The following DNAH12 variants were observed in gnomAD, a reference collection of about 807,000 sequenced individuals.
The protein encoded by DNAH12 is axonemal beta dynein heavy chain 12.
DNAH12 carries 285 observed loss-of-function variants against 371.5 expected under a neutral mutation model. The observed-to-expected ratio is 0.77, with a 90% CI of 0.70 to 0.85. The LOEUF is 0.85. Among genes scored for constraint, DNAH12 ranks in the 40% least tolerant of loss-of-function variants. DNAH12 has a pLI of 0.00. For missense variants in DNAH12, 3,611 were observed against 3,689.4 expected (o/e 0.98, Z 0.55); for synonymous variants, 1,200 against 1,213.0 (o/e 0.99, Z 0.22).
At chr3:57,475,202 T>G (rs1161125165) in intron 13 of DNAH12, among the ~76,000 whole-genome samples, 2 of 152,188 alleles carry the variant, frequency 1.3e-5, no homozygotes, top group Admixed American at 6.5e-5. Context: ...AAAAATGTCT[T>G]TGAACCAAGG....
At chr3:57,320,839 C>T (rs1052313412) in intron 65 of DNAH12, among the ~76,000 whole-genome samples, 2 of 152,190 alleles carry the variant, frequency 1.3e-5, no homozygotes, top group African/African-American at 4.8e-5. Flanking sequence ...AGGGCATTTA[C>T]ATTCTTTTAC....
At chr3:57,516,935 C>T (rs1012392532) in intron 4 of DNAH12, among the ~76,000 whole-genome samples, 1 of 152,150 alleles carries the variant, frequency 6.6e-6, no homozygotes, top group African/African-American at 2.4e-5. Flanking sequence ...GCTCCTGACC[C>T]CCTTTTCAAG....
intron 22 of DNAH12, among the ~76,000 whole-genome samples, chr3:57,457,157 T>C (rs1053568125): frequency 3.9e-5 from 6 of 152,204 alleles, no homozygotes; most frequent in African/African-American, 1.4e-4. Flanking sequence ...CATAGTGGTA[T>C]AAAAATATAA....
intron 2 of DNAH12, chr3:57,530,928 CT>C (rs111305736): frequency 0.054 from 8,569 of 157,394 alleles, 350 homozygotes; most frequent in Non-Finnish European, 0.09. Context: ...ACTCTTGCCC[CT>C]GTCTTGCAGC....
At chr3:57,319,199 A>T (rs1376067978) in intron 65 of DNAH12, among the ~76,000 whole-genome samples, 1 of 152,142 alleles carries the variant, frequency 6.6e-6, no homozygotes, top group African/African-American at 2.4e-5. Flanking sequence ...AATGCAACTA[A>T]TTTTTATATG....
At chr3:57,521,527 T>C (rs1273803390) in intron 4 of DNAH12, among the ~76,000 whole-genome samples, 1 of 152,116 alleles carries the variant, frequency 6.6e-6, no homozygotes, top group Non-Finnish European at 1.5e-5. Flanking sequence ...AAAAATCAGC[T>C]GGCTATACTT....
At chr3:57,342,484 CAAAAAAAAA>C (rs71088060) in intron 60 of DNAH12, among the ~76,000 whole-genome samples, 18 of 66,050 alleles carry the variant, frequency 2.7e-4, no homozygotes, top group African/African-American at 6.8e-4. Context: ...ACTAAAAATA[CAAAAAAAAA>C]AAAAAAAAAA....
chr3:57,480,326 A>G (rs929068960), intron 13 of DNAH12, among the ~76,000 whole-genome samples: 1 of 152,204 alleles, frequency 6.6e-6, no homozygotes, highest in African/African-American at 2.4e-5. Context: ...TCTAGAAGAA[A>G]TGGATAAATT....
chr3:57,320,352 T>C (rs1010493827), intron 65 of DNAH12, among the ~76,000 whole-genome samples: 3 of 152,206 alleles, frequency 2.0e-5, no homozygotes, highest in East Asian at 1.9e-4. Context: ...TAAGTGAAGA[T>C]ACAGAAATGT....
intron 18 of DNAH12, 77 bp from the exon 19 acceptor site, chr3:57,461,766 T>C (rs2066061097): frequency 8.4e-7 from 1 of 1,185,824 alleles, no homozygotes; most frequent in African/African-American, 1.5e-5. Flanking sequence ...CCCTAGTGAA[T>C]TCAGTAAGAA....
intron 65 of DNAH12, among the ~76,000 whole-genome samples, chr3:57,321,556 G>A (rs1009331265): frequency 6.6e-6 from 1 of 152,072 alleles, no homozygotes; most frequent in Non-Finnish European, 1.5e-5. Flanking sequence ...TAAACTTGGG[G>A]AAAATTAACC....
intron 14 of DNAH12, 84 bp from the exon 15 acceptor site, chr3:57,471,690 TAAA>T: frequency 8.3e-7 from 1 of 1,201,206 alleles, no homozygotes; most frequent in South Asian, 2.2e-5. Context: ...TGTATAATAA[TAAA>T]AACCATCAGA....
Position 57,293,888 on chromosome 3 carries a change from T to C in DNAH12, c.11776A>G (p.Thr3926Ala). 6.5e-7 allele frequency: 1 copy of C among 1,547,772 alleles called. No individual in the cohort carries two copies. The highest frequency in any genetic ancestry group is 2.4e-5 in the East Asian group (1 of 40,830). Residue 3926 changes from threonine (T) to alanine (A), a missense_variant, in exon 74 of 74, where the codon ACG becomes GCG. This residue lies in a region of DNAH12 where 2,266 missense variants were observed against 2,236.9 expected (regional missense o/e 1.01). Coordinates refer to ENST00000495027, the MANE Select transcript of DNAH12 (RefSeq NM_001366028.2). The part of the protein sequence containing the change: ...TSERKGTLST[T>A]GHSTNFVIAM... Reference sequence around the variant, plus strand: ...ATGACAAAGTTAGTAGAATGTCCCGTAGTGGAAAGAGTTCCTTTACGTTCA... The same window carrying C: ...ATGACAAAGTTAGTAGAATGTCCCGCAGTGGAAAGAGTTCCTTTACGTTCA...
chr3:57,403,633 G>T, intron 42 of DNAH12, 132 bp from the exon 43 acceptor site: 1 of 812,464 alleles, frequency 1.2e-6, no homozygotes, highest in Non-Finnish European at 1.8e-6. Flanking sequence ...CAATTTTAAA[G>T]AGTTTACTAT....
chr3:57,456,166 A>T (rs2065897440), intron 22 of DNAH12, among the ~76,000 whole-genome samples: 1 of 152,250 alleles, frequency 6.6e-6, no homozygotes, highest in Admixed American at 6.5e-5. Flanking sequence ...TTCTATACTG[A>T]TTAAAGAAAT....
intron 30 of DNAH12, 42 bp downstream of exon 30, chr3:57,436,909 A>T: frequency 8.0e-7 from 1 of 1,256,166 alleles, no homozygotes; most frequent in Non-Finnish European, 1.1e-6. Flanking sequence ...TTACCAGCTT[A>T]ATTAAGAAAT....
At chr3:57,309,302 A>G (rs1001077417) in intron 68 of DNAH12, 48 bp from the exon 69 acceptor site, 26 of 1,419,452 alleles carry the variant, frequency 1.8e-5, no homozygotes, top group Non-Finnish European at 2.4e-5. Flanking sequence ...AGAATGGATA[A>G]TTAGCTTAAT....
At chr3:57,374,094 C>T (rs1160054402) in intron 55 of DNAH12, among the ~76,000 whole-genome samples, 2 of 152,132 alleles carry the variant, frequency 1.3e-5, no homozygotes, top group Non-Finnish European at 2.9e-5. Context: ...ATATCCTATT[C>T]TACAATTCAC....
In DNAH12 at chr3:57,421,648, C is replaced by T. The variant is rs369737965; in HGVS notation, c.5432G>A (p.Arg1811His). 1.7e-4 allele frequency: 265 copies of T among 1,551,534 alleles called. No individual in the cohort carries two copies. The African/African-American group carries it at 3.4e-3, about 20-fold the overall frequency. Residue 1811 changes from arginine (R) to histidine (H), a missense_variant, in exon 36 of 74, where the codon CGT (arginine) becomes CAT (histidine). Arg to His is a conservative substitution (Grantham distance 29, BLOSUM62 0). Coordinates refer to ENST00000495027, the MANE Select transcript of DNAH12 (RefSeq NM_001366028.2). ...SIGGSCDTDGRRVFDTFIRLI... is the reference protein window; with the variant it reads ...SIGGSCDTDGHRVFDTFIRLI... ...TCGTATGAAAGTATCAAAAACACGA[C>T]GGCCATCTGTATCACAACTTCCTCC... is the stretch of plus-strand genomic sequence containing the variant.
Sources: allele counts gnomAD v4.1 joint callset (sites outside exome capture counted in the v4.1 genomes callset), GRCh38; gene constraint gnomAD v4.1.1; regional missense constraint gnomAD v4.1.1; transcripts MANE v1.5; gene names NCBI Gene and HGNC (gene_info 2026-07-23, HGNC 2026-07-21).